The following EPHA5 variants were observed in gnomAD, a reference collection of about 807,000 sequenced individuals.
The protein encoded by EPHA5 is EPH receptor A5.
Under a neutral mutation model 105.0 loss-of-function variants are expected in EPHA5, and 60 were observed. The observed-to-expected ratio is 0.57, with a 90% CI of 0.46 to 0.71. EPHA5 has a LOEUF of 0.71. Among genes scored for constraint, EPHA5 ranks in the 30% least tolerant of loss-of-function variants. EPHA5 has a pLI of 0.00. For synonymous variants in EPHA5, 513 were observed against 449.1 expected, an observed-to-expected ratio of 1.14 and a Z score of -1.80; for missense variants, 1,218 against 1,274.7, an observed-to-expected ratio of 0.96 and a Z score of 0.68.
At chr4:65,539,899 A>G (rs1372820394) in intron 3 of EPHA5, among the ~76,000 whole-genome samples, 1 of 151,482 alleles carries the variant, frequency 6.6e-6, no homozygotes, top group Non-Finnish European at 1.5e-5. Context: ...ATGTACCTAT[A>G]TTATTATTAT....
chr4:65,433,540 C>G (rs549963211), intron 5 of EPHA5, among the ~76,000 whole-genome samples: 11 of 152,204 alleles, frequency 7.2e-5, no homozygotes, highest in African/African-American at 2.6e-4. Context: ...GCCAAAGTAT[C>G]CTATCATATA....
intron 5 of EPHA5, among the ~76,000 whole-genome samples, chr4:65,460,577 A>G (rs1193929288): frequency 1.3e-5 from 2 of 151,628 alleles, no homozygotes; most frequent in Non-Finnish European, 3.0e-5. Context: ...AGTCAAAAGT[A>G]TATTTAAATA....
intron 5 of EPHA5, among the ~76,000 whole-genome samples, chr4:65,434,123 T>A (rs1725257505): frequency 6.6e-6 from 1 of 152,142 alleles, no homozygotes; most frequent in Non-Finnish European, 1.5e-5. Flanking sequence ...CATCTCCTTT[T>A]TATCTAACTC....
At chr4:65,596,681 A>AACACACACACAC (rs71205392) in intron 3 of EPHA5, among the ~76,000 whole-genome samples, 144 of 150,588 alleles carry the variant, frequency 9.6e-4, no homozygotes, top group Admixed American at 1.8e-3. Flanking sequence ...ACAAAAGCAG[A>AACACACACACAC]ACACACACAC....
At chr4:65,466,083 G>A (rs1262898004) in intron 5 of EPHA5, among the ~76,000 whole-genome samples, 1 of 152,234 alleles carries the variant, frequency 6.6e-6, no homozygotes, top group African/African-American at 2.4e-5. Context: ...AATGGGATAG[G>A]AAAGGTTAGG....
chr4:65,418,564 T>C (rs1179107858), intron 6 of EPHA5, among the ~76,000 whole-genome samples: 2 of 152,182 alleles, frequency 1.3e-5, no homozygotes, highest in East Asian at 1.9e-4. Flanking sequence ...TGTGTCATCA[T>C]TTATGTTTCG....
chr4:65,332,185 G>T, intron 15 of EPHA5, 57 bp from the exon 16 acceptor site: 1 of 1,392,748 alleles, frequency 7.2e-7, no homozygotes, highest in African/African-American at 1.5e-5. Flanking sequence ...TTATAACAAA[G>T]TTTACTATAA....
chr4:65,630,583 C>A (rs192553041), intron 2 of EPHA5, among the ~76,000 whole-genome samples: 2 of 152,160 alleles, frequency 1.3e-5, no homozygotes, highest in African/African-American at 4.8e-5. Flanking sequence ...CCCTCTTCCA[C>A]GTGTACTTTA....
chr4:65,339,353 A>C (rs542033221), intron 14 of EPHA5, among the ~76,000 whole-genome samples: 1 of 152,204 alleles, frequency 6.6e-6, no homozygotes, highest in East Asian at 1.9e-4. Context: ...ATAGTATATC[A>C]CCCATCCAGA....
At chr4:65,490,269 G>T (rs572131747) in intron 5 of EPHA5, 108 bp downstream of exon 5, 1 of 1,100,892 alleles carries the variant, frequency 9.1e-7, no homozygotes, top group East Asian at 2.5e-5. Flanking sequence ...TGACCTTCCG[G>T]TTGAGGGAAA....
intron 2 of EPHA5, among the ~76,000 whole-genome samples, chr4:65,610,538 AAATT>A (rs747307139): frequency 1.4e-4 from 21 of 152,104 alleles, no homozygotes; most frequent in African/African-American, 2.7e-4. Flanking sequence ...AAGAATAAAC[AAATT>A]AATTAATTAA....
intron 1 of EPHA5, among the ~76,000 whole-genome samples, chr4:65,664,866 A>G (rs923074217): frequency 4.6e-5 from 7 of 151,974 alleles, no homozygotes; most frequent in Non-Finnish European, 1.0e-4. Context: ...CTGATTAATA[A>G]GCAAGACATG....
chr4:65,457,999 G>A (rs1192387885), intron 5 of EPHA5, among the ~76,000 whole-genome samples: 4 of 142,130 alleles, frequency 2.8e-5, no homozygotes, highest in African/African-American at 5.2e-5. Flanking sequence ...GCTTGAACCC[G>A]AGAGGCGGAA....
Position 65,520,443 on chromosome 4 carries a change from A to T in EPHA5, c.911-24900T>A, listed in dbSNP as rs531496074. Among the ~76,000 whole-genome samples the T allele has an allele frequency of 2.6e-5, 4 of 152,308 alleles. No individual in the cohort carries two copies. In the South Asian group the frequency reaches 8.3e-4, roughly 32 times the overall value. ...AAAACCCTAGAAGAAAACCTAAGCA[A>T]TACCATTCAGGTCATGGTCATGGGC... On this transcript the variant is annotated intron_variant, in intron 3 of 16. Transcript: ENST00000613740.
Position 65,521,803 on chromosome 4 carries a change from C to T in EPHA5, c.911-26260G>A, listed in dbSNP as rs1189744854. Among the ~76,000 whole-genome samples, 3 of 151,932 alleles carry T rather than the reference C, an allele frequency of 2.0e-5. No individual in the cohort carries two copies. In the South Asian group the frequency reaches 6.2e-4, roughly 31 times the overall value. On this transcript the variant is annotated intron_variant, in intron 3 of 16. Coordinates refer to ENST00000613740, the MANE Select transcript of EPHA5 (RefSeq NM_001281766.3). ...TCCTTTTCTTTGTGTAATCCAGCTACCATTCCCACCCTGACAAATCCATTT... is the reference window on the plus strand; with the variant it reads ...TCCTTTTCTTTGTGTAATCCAGCTATCATTCCCACCCTGACAAATCCATTT...
At chr4:65,533,805 G>A (rs1018056326) in intron 3 of EPHA5, among the ~76,000 whole-genome samples, 1 of 151,994 alleles carries the variant, frequency 6.6e-6, no homozygotes, top group African/African-American at 2.4e-5. Flanking sequence ...GTGGTAGTGA[G>A]CACCTGTAAT....
chr4:65,642,325 G>T (rs1212619664), intron 2 of EPHA5, among the ~76,000 whole-genome samples: 1 of 151,970 alleles, frequency 6.6e-6, no homozygotes, highest in Non-Finnish European at 1.5e-5. Context: ...GTGTGATGGT[G>T]CAGGGAAGAA....
At chr4:65,559,150 T>C (rs1264590449) in intron 3 of EPHA5, among the ~76,000 whole-genome samples, 3 of 152,152 alleles carry the variant, frequency 2.0e-5, no homozygotes, top group Non-Finnish European at 4.4e-5. Flanking sequence ...TTCTCTGTGG[T>C]AAATATTTTG....
chr4:65,352,929 T>C, intron 12 of EPHA5, 113 bp downstream of exon 12: 1 of 534,046 alleles, frequency 1.9e-6, no homozygotes, highest in Non-Finnish European at 3.2e-6. Flanking sequence ...TATTAAAAAC[T>C]TAAGCTTTAA....
Sources: gnomAD v4.1 joint callset for allele counts (sites outside exome capture counted in the v4.1 genomes callset) on GRCh38, gnomAD v4.1.1 for gene constraint, MANE v1.5 for transcripts, NCBI Gene and HGNC (gene_info 2026-07-23, HGNC 2026-07-21) for gene names.